Variants in SLC9A7 observed in about 807,000 individuals in gnomAD.
SLC9A7 encodes the protein sodium/hydrogen exchanger 7.
In SLC9A7, 19 loss-of-function variants were observed where a neutral mutation model predicts 52.6. The observed-to-expected ratio is 0.36, with a 90% CI of 0.25 to 0.53. SLC9A7 has a LOEUF of 0.53. SLC9A7 is among the 20% of genes least tolerant of loss of function. The pLI, the probability that SLC9A7 is intolerant of heterozygous loss-of-function variation, is 0.91. For synonymous variants in SLC9A7, 226 were observed against 252.1 expected (o/e 0.90, Z 0.98); for missense variants, 455 against 597.9 (o/e 0.76, Z 2.49).
chrX:46,726,376 G>A (rs1379084047), intron 1 of SLC9A7, among the ~76,000 whole-genome samples: 2 of 112,089 alleles, frequency 1.8e-5, no homozygotes, highest in African/African-American at 6.5e-5. Flanking sequence ...GCTAAGAAGA[G>A]CCCTTGGCCC....
chrX:46,638,822 C>T (rs1943360189), intron 12 of SLC9A7, among the ~76,000 whole-genome samples: 1 of 111,892 alleles, frequency 8.9e-6, no homozygotes, highest in Admixed American at 9.4e-5. Flanking sequence ...ACAATCTCTT[C>T]CAGAAAAAAA....
At chrX:46,731,397 G>A (rs1409301175) in intron 1 of SLC9A7, among the ~76,000 whole-genome samples, 1 of 98,696 alleles carries the variant, frequency 1.0e-5, no homozygotes, top group African/African-American at 3.6e-5. Flanking sequence ...TTCGAGGGCA[G>A]CCTAGGCAAC....
chrX:46,736,017 A>G (rs891132767), intron 1 of SLC9A7, among the ~76,000 whole-genome samples: 1 of 111,231 alleles, frequency 9.0e-6, no homozygotes, highest in African/African-American at 3.3e-5. Flanking sequence ...AAGTTCTTGG[A>G]TCTGTGGTTT....
chrX:46,689,493 T>TC (rs1302089752), intron 1 of SLC9A7, among the ~76,000 whole-genome samples: 1 of 112,074 alleles, frequency 8.9e-6, no homozygotes, highest in African/African-American at 3.2e-5. Context: ...TGTTTTCATT[T>TC]CTCTAAGGTA....
chrX:46,629,340 G>A (rs1160904325), intron 14 of SLC9A7, among the ~76,000 whole-genome samples: 1 of 112,159 alleles, frequency 8.9e-6, no homozygotes, highest in Non-Finnish European at 1.9e-5. Context: ...ACCTGGGGGT[G>A]GGGGCTATTT....
chrX:46,756,438 T>G (rs1247307617), intron 1 of SLC9A7, among the ~76,000 whole-genome samples: 1 of 112,377 alleles, frequency 8.9e-6, no homozygotes, highest in Non-Finnish European at 1.9e-5. Context: ...TTGTACATCT[T>G]AAATGCAGAC....
chrX:46,672,505 C>T (rs1219801027), intron 4 of SLC9A7, 46 bp downstream of exon 4: 4 of 997,042 alleles, frequency 4.0e-6, no homozygotes, highest in East Asian at 6.1e-5. Flanking sequence ...GATCTCATCC[C>T]TATGGAACGT....
intron 1 of SLC9A7, among the ~76,000 whole-genome samples, chrX:46,682,960 ATTTTTT>A (rs1169630244): frequency 1.1e-4 from 7 of 64,940 alleles, no homozygotes; most frequent in African/African-American, 4.9e-4. Flanking sequence ...CACCCGGCTA[ATTTTTT>A]TTTTTTTTTT....
chrX:46,692,034 T>C (rs1316385516), intron 1 of SLC9A7, among the ~76,000 whole-genome samples: 1 of 111,419 alleles, frequency 9.0e-6, no homozygotes, highest in East Asian at 2.8e-4. Context: ...TCATCAATCT[T>C]TGTGGCACTG....
intron 1 of SLC9A7, among the ~76,000 whole-genome samples, chrX:46,700,078 C>CTTT (rs1223020479): frequency 9.2e-6 from 1 of 108,848 alleles, no homozygotes; most frequent in Non-Finnish European, 1.9e-5. Context: ...GCACTCCAGC[C>CTTT]TGAGTGACAG....
intron 3 of SLC9A7, among the ~76,000 whole-genome samples, chrX:46,674,018 T>G (rs1944069337): frequency 8.9e-6 from 1 of 111,800 alleles, no homozygotes; most frequent in Admixed American, 9.5e-5. Context: ...TTCCAAAAAA[T>G]CAACAGCTGT....
At position 46,641,472 on chromosome X, in the gene SLC9A7, G is replaced by A. The variant is rs149325271; in HGVS notation, c.1616+1764C>T. On this transcript the variant is annotated intron_variant, in intron 12 of 16. Coordinates refer to ENST00000616978, the MANE Select transcript of SLC9A7 (RefSeq NM_001257291.2). Reference sequence around the variant, plus strand: ...TAGGTGACCAGACAAACAGGAGCAGGAAGTAATCTCAGAGGTCACCAAATG... The same window carrying A: ...TAGGTGACCAGACAAACAGGAGCAGAAAGTAATCTCAGAGGTCACCAAATG... 1.8e-3 allele frequency among the ~76,000 whole-genome samples: 204 copies of A among 112,212 alleles called. 3 individuals are homozygous for A. In the South Asian group the frequency reaches 0.037, roughly 20 times the overall value.
rs1569504607 is a variant in SLC9A7 at position 46,631,609 on chromosome X, C to T, written c.1717G>A (p.Asp573Asn). The stretch of plus-strand genomic sequence containing the variant: ...ACCCCTTGTAAGACTTGAAAGCTGT[C>T]GTTGTTGGGTGGTGGGTCTTGATCG... ...DPDQDPPPNN[D>N]SFQVLQGDGP... Residue 573 changes from aspartate to asparagine, a missense_variant, in exon 14 of 17, where the codon GAC becomes AAC. Coordinates refer to ENST00000616978, the MANE Select transcript of SLC9A7 (RefSeq NM_001257291.2). The T allele has an allele frequency of 6.6e-6, 8 of 1,208,143 alleles. No homozygotes were observed. Among genetic ancestry groups the T allele is most frequent in the South Asian group, 3.5e-5 (2 of 56,549 alleles).
chrX:46,613,105 T>TA (rs1408360651), intron 16 of SLC9A7, among the ~76,000 whole-genome samples, 184 bp downstream of exon 16: 2 of 110,861 alleles, frequency 1.8e-5, no homozygotes, highest in African/African-American at 3.3e-5. Flanking sequence ...ATTACCCTGG[T>TA]AAAAGCTTTC....
intron 13 of SLC9A7, 97 bp downstream of exon 13, chrX:46,635,488 CAGGA>C (rs1467402554): frequency 6.1e-6 from 4 of 660,454 alleles, no homozygotes; most frequent in Middle Eastern, 4.9e-4. Flanking sequence ...TTGGCACACG[CAGGA>C]AGGAAGAGAA....
chrX:46,649,951 T>C (rs1943555391), intron 10 of SLC9A7, among the ~76,000 whole-genome samples: 1 of 111,968 alleles, frequency 8.9e-6, no homozygotes, highest in Non-Finnish European at 1.9e-5. Context: ...CAAAACAACA[T>C]GCAAGGTCTT....
chrX:46,723,298 C>CAAAAAAAAAAAA (rs764219707), intron 1 of SLC9A7, among the ~76,000 whole-genome samples: 7 of 18,493 alleles, frequency 3.8e-4, no homozygotes, highest in Non-Finnish European at 7.6e-4. Context: ...AAGATTTCTA[C>CAAAAAAAAAAAA]AAAAAAAAAA....
At chrX:46,698,573 A>T (rs1203483050) in intron 1 of SLC9A7, among the ~76,000 whole-genome samples, 1 of 111,259 alleles carries the variant, frequency 9.0e-6, no homozygotes, top group Non-Finnish European at 1.9e-5. Flanking sequence ...TCATTTATGG[A>T]CTGGTTGTTC....
intron 14 of SLC9A7, among the ~76,000 whole-genome samples, chrX:46,622,396 CTTTT>C (rs1242613853): frequency 8.9e-6 from 1 of 111,874 alleles, no homozygotes; most frequent in Non-Finnish European, 1.9e-5. Context: ...TAGCAGATGA[CTTTT>C]TTGATAGGCA....
Sources: allele counts gnomAD v4.1 joint callset (sites outside exome capture counted in the v4.1 genomes callset), GRCh38; gene constraint gnomAD v4.1.1; transcripts MANE v1.5; gene names NCBI Gene and HGNC (gene_info 2026-07-23, HGNC 2026-07-21).